KHDRBS2: variants seen among roughly 807,000 people sequenced by gnomAD.
KHDRBS2 encodes KH domain-containing, RNA-binding, signal transduction-associated protein 2.
In KHDRBS2, 26 loss-of-function variants were observed where a neutral mutation model predicts 44.3. That is an observed-to-expected ratio of 0.59 (90% CI 0.43 to 0.81). The LOEUF is 0.81. Among genes scored for constraint, KHDRBS2 ranks in the 40% least tolerant of loss-of-function variants. The probability of loss-of-function intolerance (pLI) is 0.00; values close to 1 mark genes in which losing one functional copy is unlikely to be tolerated. For synonymous variants in KHDRBS2, 194 were observed against 151.1 expected (o/e 1.28, Z -2.08); for missense variants, 476 against 433.1 (o/e 1.10, Z -0.88).
Position 62,115,198 on chromosome 6 carries a change from G to C in KHDRBS2, c.219+61987C>G, listed in dbSNP as rs555911874. 2.0e-4 allele frequency among the ~76,000 whole-genome samples: 31 copies of C among 152,210 alleles called. No individual in the cohort carries two copies. The South Asian group carries it at 6.4e-3, about 32-fold the overall frequency. On this transcript the variant is annotated intron_variant, in intron 2 of 8. Transcript: ENST00000281156. ...TTCAAAAGTCAGTTTTACCCCAAAAGAGAACTGGTTTGAGTATGAAGCACA... is the reference window on the plus strand; with the variant it reads ...TTCAAAAGTCAGTTTTACCCCAAAACAGAACTGGTTTGAGTATGAAGCACA...
rs191465166 is a variant in KHDRBS2, at chr6:62,003,932, A to C, written c.337-25720T>G. 1.5e-3 allele frequency among the ~76,000 whole-genome samples: 224 copies of C among 152,340 alleles called. 3 individuals are homozygous for C. Among genetic ancestry groups the C allele is most frequent in the Non-Finnish European group, 1.0e-4 (7 of 68,026 alleles). ...GGTAAATAACAAAATGAAGGCAGAA[A>C]TACAGATGTTCTTTGAAACCAATGA... is the stretch of plus-strand genomic sequence containing the variant. On this transcript the variant is annotated intron_variant, in intron 3 of 8. Coordinates refer to ENST00000281156, the MANE Select transcript of KHDRBS2 (RefSeq NM_152688.4).
At chr6:61,704,032 A>T (rs1769093395) in intron 7 of KHDRBS2, among the ~76,000 whole-genome samples, 1 of 151,896 alleles carries the variant, frequency 6.6e-6, no homozygotes, top group African/African-American at 2.4e-5. Context: ...ACCTATTTGC[A>T]GGTAGGTTTT....
rs561677561 is a variant in KHDRBS2 at position 61,978,007 on chromosome 6, G to T, written c.483+59C>A. ...TTTAAAAAGTCAGTGAAGATCAAAG[G>T]TGCATTTTAAAATAGAAGCTGATAA... On this transcript the variant is annotated intron_variant, in intron 4 of 8. Transcript: ENST00000281156. The T allele has an allele frequency of 9.8e-5, 134 of 1,368,126 alleles. 1 individual carries two copies. The African/African-American group carries it at 1.9e-3, about 19-fold the overall frequency. 84.7% of individuals were successfully genotyped at this position (1,368,126 alleles called of 1,614,324 possible).
chr6:61,944,313 T>G (rs2127378383), intron 4 of KHDRBS2, among the ~76,000 whole-genome samples: 1 of 152,292 alleles, frequency 6.6e-6, no homozygotes, highest in South Asian at 2.1e-4. Context: ...AATGGAATAC[T>G]ATTAGTCCAT....
intron 6 of KHDRBS2, among the ~76,000 whole-genome samples, chr6:61,738,481 T>C (rs1582512848): frequency 1.3e-5 from 2 of 152,118 alleles, no homozygotes; most frequent in East Asian, 3.9e-4. Flanking sequence ...AAACACAATC[T>C]TGGCTTCTTT....
rs75906292 is a variant in KHDRBS2, at chr6:61,692,003, G to T, written c.952+5192C>A. ...GAATGGATGCATAATTAACTCTTTA[G>T]CTCATACATTAAATACATTTTAATA... On this transcript the variant is annotated intron_variant, in intron 8 of 8. Transcript: ENST00000281156. 4.4e-3 allele frequency among the ~76,000 whole-genome samples: 674 copies of T among 152,194 alleles called. 9 individuals are homozygous for T. The highest frequency in any genetic ancestry group is 0.016 in the African/African-American group (647 of 41,544).
intron 1 of KHDRBS2, among the ~76,000 whole-genome samples, chr6:62,207,550 T>C (rs1828211267): frequency 6.6e-6 from 1 of 152,106 alleles, no homozygotes; most frequent in Non-Finnish European, 1.5e-5. Context: ...TCCATGTGAA[T>C]TTTAAGTTCA....
chr6:61,661,146 C>T, the KHDRBS2 span: 1 of 151,706 alleles, frequency 6.6e-6, no homozygotes, highest in Non-Finnish European at 1.5e-5. Flanking sequence ...TTTAATGTCT[C>T]CACTTAGCTT....
chr6:62,061,792 C>A (rs911967529), intron 2 of KHDRBS2, among the ~76,000 whole-genome samples: 1 of 148,076 alleles, frequency 6.8e-6, no homozygotes, highest in African/African-American at 2.5e-5. Flanking sequence ...TCCATTCTCC[C>A]CATCACTTTC....
At chr6:61,986,381 T>A (rs1216793107) in intron 3 of KHDRBS2, among the ~76,000 whole-genome samples, 2 of 152,186 alleles carry the variant, frequency 1.3e-5, no homozygotes, top group African/African-American at 4.8e-5. Flanking sequence ...TCACTTGAAA[T>A]AATATAATTA....
intron 2 of KHDRBS2, among the ~76,000 whole-genome samples, chr6:62,087,163 C>T (rs1798549534): frequency 6.6e-6 from 1 of 151,974 alleles, no homozygotes; most frequent in Non-Finnish European, 1.5e-5. Flanking sequence ...CAGTCTCATG[C>T]AGTTATTATA....
chr6:61,853,581 A>C (rs933433634), intron 6 of KHDRBS2, among the ~76,000 whole-genome samples: 2 of 152,232 alleles, frequency 1.3e-5, no homozygotes, highest in African/African-American at 4.8e-5. Flanking sequence ...AGGTTGCTTA[A>C]GCCAGCATTT....
At chr6:62,045,792 G>A (rs1251089221) in intron 3 of KHDRBS2, among the ~76,000 whole-genome samples, 2 of 151,652 alleles carry the variant, frequency 1.3e-5, no homozygotes, top group East Asian at 1.9e-4. Flanking sequence ...CAAAATAACA[G>A]CATCATAATC....
chr6:62,034,836 T>C (rs1479195443), intron 3 of KHDRBS2, among the ~76,000 whole-genome samples: 1 of 151,626 alleles, frequency 6.6e-6, no homozygotes, highest in African/African-American at 2.4e-5. Flanking sequence ...GATCAGAATA[T>C]GTATTTCTGA....
chr6:61,982,220 T>C (rs1200550167), intron 3 of KHDRBS2, among the ~76,000 whole-genome samples: 1 of 150,092 alleles, frequency 6.7e-6, no homozygotes. Flanking sequence ...TGCAAATATA[T>C]ATATATATCT....
the KHDRBS2 span, among the ~76,000 whole-genome samples, chr6:61,618,887 T>G: frequency 3.3e-5 from 5 of 152,210 alleles, no homozygotes; most frequent in East Asian, 9.6e-4. Context: ...TATAGCTCTT[T>G]CTCAAATGCG....
chr6:61,738,591 T>C (rs1259401549), intron 6 of KHDRBS2, among the ~76,000 whole-genome samples: 2 of 152,008 alleles, frequency 1.3e-5, no homozygotes, highest in Non-Finnish European at 2.9e-5. Flanking sequence ...GCAATTTCTT[T>C]GTAGCTTGCT....
At chr6:62,164,422 T>C (rs948507951) in intron 2 of KHDRBS2, among the ~76,000 whole-genome samples, 8 of 151,884 alleles carry the variant, frequency 5.3e-5, no homozygotes, top group Non-Finnish European at 1.2e-4. Flanking sequence ...TTTTCTACAT[T>C]AATTGCTTTA....
the KHDRBS2 span, among the ~76,000 whole-genome samples, chr6:61,567,003 G>C: frequency 6.6e-6 from 1 of 152,206 alleles, no homozygotes; most frequent in Admixed American, 6.5e-5. Context: ...GCTGGAATGA[G>C]CTAATGGGAC....
Sources: gnomAD v4.1 joint callset for allele counts (sites outside exome capture counted in the v4.1 genomes callset) on GRCh38, gnomAD v4.1.1 for gene constraint, MANE v1.5 for transcripts, NCBI Gene and HGNC (gene_info 2026-07-23, HGNC 2026-07-21) for gene names.